The following LIMK1 variants were observed in gnomAD, a reference collection of about 807,000 sequenced individuals.
LIMK1 encodes the protein LIM motif-containing protein kinase.
A neutral mutation model predicts 77.6 loss-of-function variants in LIMK1; 21 were observed. That is an observed-to-expected ratio of 0.27 (90% CI 0.19 to 0.39). The LOEUF is 0.39. Ranked by LOEUF, LIMK1 falls within the 10% of genes least tolerant of loss-of-function variation. LIMK1 has a pLI of 1.00. For synonymous variants in LIMK1, 358 were observed against 370.0 expected (o/e 0.97, Z 0.37); for missense variants, 696 against 901.6 (o/e 0.77, Z 2.92).
At chr7:74,115,467 A>G in intron 12 of LIMK1, 2 of 277,460 alleles carry the variant, frequency 7.2e-6, no homozygotes, top group Non-Finnish European at 1.4e-5. Context: ...GAAACAAAGC[A>G]GCATCAGTGC....
chr7:74,120,346 C>G (rs1554700326), intron 13 of LIMK1, among the ~76,000 whole-genome samples: 1 of 152,234 alleles, frequency 6.6e-6, no homozygotes. Flanking sequence ...ATCGGTGCCT[C>G]GAACTCCTTG....
intron 2 of LIMK1, among the ~76,000 whole-genome samples, chr7:74,089,081 A>T (rs1254790383): frequency 3.3e-5 from 5 of 152,326 alleles, no homozygotes; most frequent in Admixed American, 6.5e-5. Flanking sequence ...TTAAATCTTC[A>T]TCATAACTCT....
chr7:74,106,110 CT>C lies in LIMK1; in HGVS notation c.749del (p.Leu250ProfsTer3). The C allele has an allele frequency of 6.2e-7, 1 of 1,614,156 alleles. No individual in the cohort carries two copies. The highest frequency in any genetic ancestry group is 8.5e-7 in the Non-Finnish European group (1 of 1,180,030). On this transcript the variant is annotated frameshift_variant, in exon 7 of 16. Coordinates refer to ENST00000336180, the MANE Select transcript of LIMK1 (RefSeq NM_002314.4). LOFTEE classifies it high-confidence loss of function. Reference sequence around the variant, plus strand: ...GCTGATTCAGGAAACCAGCCGCCTGCTCCAGCTGACCCTCGAGCATGACCCT... The same window carrying C: ...GCTGATTCAGGAAACCAGCCGCCTGCCCAGCTGACCCTCGAGCATGACCCT... ...DLLIQETSRLLQLTLEHDPHD... is the reference protein window; with the variant it reads ...DLLIQETSRLXQLTLEHDPHD...
At chr7:74,111,602 CG>C in intron 10 of LIMK1, 45 bp from the exon 11 acceptor site, 1 of 1,527,460 alleles carries the variant, frequency 6.5e-7, no homozygotes, top group South Asian at 1.2e-5. Context: ...TCCCTGCCAT[CG>C]GGGCCCCCAC....
chr7:74,102,727 A>T (rs1450381266), intron 5 of LIMK1, among the ~76,000 whole-genome samples: 1 of 151,986 alleles, frequency 6.6e-6, no homozygotes, highest in African/African-American at 2.4e-5. Context: ...TGATACCATT[A>T]TCTAATACAC....
chr7:74,093,207 G>A (rs1361268930), intron 2 of LIMK1: 1 of 1,534,312 alleles, frequency 6.5e-7, no homozygotes, highest in Non-Finnish European at 8.7e-7. Context: ...GGCCACCCCT[G>A]CCCTCCCTTA....
At chr7:74,108,490 C>T (rs1471829634) in intron 9 of LIMK1, among the ~76,000 whole-genome samples, 2 of 151,816 alleles carry the variant, frequency 1.3e-5, no homozygotes, top group Non-Finnish European at 2.9e-5. Flanking sequence ...ACTAAAAATA[C>T]AAAAATTAGC....
chr7:74,114,551 C>CAA (rs547931306), intron 12 of LIMK1, among the ~76,000 whole-genome samples: 4 of 67,232 alleles, frequency 5.9e-5, no homozygotes, highest in African/African-American at 9.7e-5. Context: ...GACTCTGCCT[C>CAA]AAAAAAAAAA....
chr7:74,097,187 C>T lies in LIMK1; in HGVS notation c.399C>T (p.Tyr133=). ...CGCTGGTGGAGCACTCCAAGCTGTA[C>T]TGGTGAGTGCCTTGGCCCCTCCCTG... ...TYTLVEHSKL[Y]CGHCYYQTVV... is the part of the protein sequence containing the mutation. The change falls in exon 4 of 16, where the codon TAC becomes TAT. Residue 133 remains tyrosine, a splice_region_variant and synonymous_variant. Coordinates refer to ENST00000336180, the MANE Select transcript of LIMK1 (RefSeq NM_002314.4). 2 of 1,599,312 alleles carry T rather than the reference C, an allele frequency of 1.3e-6. No homozygotes were observed. Among genetic ancestry groups the T allele is most frequent in the Non-Finnish European group, 1.7e-6 (2 of 1,171,292 alleles).
intron 13 of LIMK1, among the ~76,000 whole-genome samples, chr7:74,117,206 G>A (rs545817212): frequency 2.0e-5 from 3 of 152,044 alleles, no homozygotes; most frequent in South Asian, 2.1e-4. Flanking sequence ...TAATAGAGAC[G>A]GGGGTATCAC....
chr7:74,106,619 G>A (rs1043809251), intron 7 of LIMK1, among the ~76,000 whole-genome samples: 2 of 152,142 alleles, frequency 1.3e-5, no homozygotes, highest in African/African-American at 2.4e-5. Context: ...AATTAGCCGG[G>A]CTTGGTGGCA....
chr7:74,097,008 G>C (rs1554695735), intron 3 of LIMK1, 72 bp from the exon 4 acceptor site: 13 of 1,246,758 alleles, frequency 1.0e-5, no homozygotes, highest in Non-Finnish European at 1.5e-5. Context: ...CCTTGGAAGA[G>C]GCCTAGGGGA....
At chr7:74,114,528 G>GC in intron 12 of LIMK1, among the ~76,000 whole-genome samples, 1 of 149,468 alleles carries the variant, frequency 6.7e-6, no homozygotes, top group African/African-American at 2.5e-5. Context: ...TCCAGCCTGG[G>GC]CCACGGGAGG....
intron 12 of LIMK1, among the ~76,000 whole-genome samples, chr7:74,113,474 A>T (rs552139851): frequency 6.6e-6 from 1 of 152,098 alleles, no homozygotes; most frequent in East Asian, 1.9e-4. Flanking sequence ...AAAAATTCAA[A>T]AATTAGCAGG....
At chr7:74,106,006 G>A in intron 6 of LIMK1, 26 bp downstream of exon 6, 3 of 1,612,788 alleles carry the variant, frequency 1.9e-6, no homozygotes, top group Non-Finnish European at 2.5e-6. Flanking sequence ...TGTGGGGCAG[G>A]ACGGGAGGTA....
chr7:74,106,391 C>T (rs1799575325), intron 7 of LIMK1, 148 bp downstream of exon 7: 2 of 793,598 alleles, frequency 2.5e-6, no homozygotes, highest in East Asian at 2.6e-5. Context: ...GCTGTCATCA[C>T]ACCACTGCTC....
At chr7:74,113,577 AT>A (rs1485118666) in intron 12 of LIMK1, among the ~76,000 whole-genome samples, 1 of 151,884 alleles carries the variant, frequency 6.6e-6, no homozygotes, top group Non-Finnish European at 1.5e-5. Context: ...GTGAGCTGAG[AT>A]TATGCCACTG....
intron 7 of LIMK1, among the ~76,000 whole-genome samples, chr7:74,106,526 C>T (rs1799577772): frequency 1.3e-5 from 2 of 152,072 alleles, no homozygotes; most frequent in South Asian, 2.1e-4. Context: ...TTTGGGAGGC[C>T]GAGGCAGGTG....
At chr7:74,107,836 G>A (rs369435103) in intron 8 of LIMK1, 35 bp from the exon 9 acceptor site, 1 of 1,531,908 alleles carries the variant, frequency 6.5e-7, no homozygotes, top group African/African-American at 1.4e-5. Context: ...TTACAGCAGA[G>A]CTTCTGTCTT....
Sources: allele counts gnomAD v4.1 joint callset (sites outside exome capture counted in the v4.1 genomes callset), GRCh38; gene constraint gnomAD v4.1.1; transcripts MANE v1.5; gene names NCBI Gene and HGNC (gene_info 2026-07-23, HGNC 2026-07-21).